The following MOSPD2 variants were observed in gnomAD, a reference collection of about 807,000 sequenced individuals.
The protein encoded by MOSPD2 is motile sperm domain containing 2.
MOSPD2 carries 5 observed loss-of-function variants against 41.7 expected under a neutral mutation model. The observed-to-expected ratio is 0.12, with a 90% CI of 0.06 to 0.25. The LOEUF is 0.25. MOSPD2 is among the 10% of genes least tolerant of loss of function. MOSPD2 has a pLI of 1.00. For synonymous variants in MOSPD2, 115 were observed against 126.9 expected, an observed-to-expected ratio of 0.91 and a Z score of 0.63; for missense variants, 282 against 375.2, an observed-to-expected ratio of 0.75 and a Z score of 2.05.
chrX:14,901,646 A>T (rs985992916), intron 6 of MOSPD2, among the ~76,000 whole-genome samples: 2 of 110,489 alleles, frequency 1.8e-5, no homozygotes, highest in African/African-American at 6.6e-5. Flanking sequence ...GGGAACCTGT[A>T]CTATCTTCTG....
chrX:14,913,638 A>C (rs937367511), intron 10 of MOSPD2, among the ~76,000 whole-genome samples: 1 of 111,845 alleles, frequency 8.9e-6, no homozygotes, highest in African/African-American at 3.3e-5. Context: ...TCTTAAAAAC[A>C]TGTGTTAGTT....
chrX:14,877,977 CAA>C (rs1182798930), intron 2 of MOSPD2, among the ~76,000 whole-genome samples: 3 of 88,818 alleles, frequency 3.4e-5, no homozygotes, highest in African/African-American at 4.2e-5. Flanking sequence ...GACTCCATCT[CAA>C]AAAAAAAAAA....
At chrX:14,887,003 A>G (rs960768897) in intron 2 of MOSPD2, among the ~76,000 whole-genome samples, 3 of 112,112 alleles carry the variant, frequency 2.7e-5, no homozygotes, top group African/African-American at 9.7e-5. Flanking sequence ...TGTCTTGATC[A>G]CACCCATTAC....
At position 14,916,249 on chromosome X, in the gene MOSPD2, A is replaced by G; in HGVS notation, c.1239A>G (p.Glu413=). The change falls in exon 13 of 15, where the codon GAA becomes GAG. Residue 413 remains glutamate, a synonymous_variant. Coordinates refer to ENST00000380492, the MANE Select transcript of MOSPD2 (RefSeq NM_152581.4). Reference sequence around the variant, plus strand: ...TTCTGATAATGGCTGCAGAAATGGAACAGTCATCTGGCACAGGCCCAGCAG... The same window carrying G: ...TTCTGATAATGGCTGCAGAAATGGAGCAGTCATCTGGCACAGGCCCAGCAG... ...DRFLIMAAEM[E]QSSGTGPAEL... 1 of 1,212,058 alleles carries G rather than the reference A, an allele frequency of 8.3e-7. No homozygotes were observed. The highest frequency in any genetic ancestry group is 1.1e-6 in the Non-Finnish European group (1 of 895,489).
In MOSPD2 at chrX:14,882,193, G is replaced by A. The variant is rs1177186170; in HGVS notation, c.79+8435G>A. 7.2e-5 allele frequency among the ~76,000 whole-genome samples: 8 copies of A among 111,707 alleles called. No individual in the cohort carries two copies. In the East Asian group the frequency reaches 2.0e-3, roughly 27 times the overall value. On this transcript the variant is annotated intron_variant, in intron 2 of 14. Transcript: ENST00000380492. ...CATTTGTAGCAATTTGGGTGAACTT[G>A]GAGGACATGGTAAGTGAAATAAGTG...
At chrX:14,887,585 T>G (rs1359876282) in intron 2 of MOSPD2, among the ~76,000 whole-genome samples, 1 of 111,936 alleles carries the variant, frequency 8.9e-6, no homozygotes, top group Non-Finnish European at 1.9e-5. Flanking sequence ...AAACACAGTT[T>G]CAGACCTGTT....
chrX:14,922,048 T>A lies in MOSPD2; in HGVS notation c.*2239T>A, dbSNP rs1320585127. 3 of 111,449 alleles carry A rather than the reference T, an allele frequency of 2.7e-5. No homozygotes were observed. The East Asian group carries it at 8.5e-4, about 31-fold the overall frequency. The allele number at this position is 111,449 out of a possible 1,213,427, so 9.2% of individuals were successfully genotyped here. On this transcript the variant is annotated 3_prime_UTR_variant, in exon 15 of 15. Transcript: ENST00000380492. ...AATGCGATTGCTGGTAAACCTGGCC[T>A]CAAATTTCATACTACCATAACTGTT...
chrX:14,895,251 A>C, intron 3 of MOSPD2, 57 bp from the exon 4 acceptor site: 1 of 646,771 alleles, frequency 1.5e-6, no homozygotes. Flanking sequence ...TTACATTATG[A>C]GTTTTATTTT....
At chrX:14,909,619 A>C (rs2092588102) in intron 8 of MOSPD2, among the ~76,000 whole-genome samples, 1 of 111,556 alleles carries the variant, frequency 9.0e-6, no homozygotes, top group Admixed American at 9.6e-5. Flanking sequence ...TTTTGAGCTG[A>C]TTTTTACTAC....
At chrX:14,888,022 C>T (rs2092545162) in intron 2 of MOSPD2, among the ~76,000 whole-genome samples, 2 of 110,506 alleles carry the variant, frequency 1.8e-5, no homozygotes, top group African/African-American at 6.6e-5. Context: ...GCTGATAGTT[C>T]ATTAAGAAGG....
chrX:14,899,573 C>CACACACACAT (rs1555909967), intron 5 of MOSPD2, among the ~76,000 whole-genome samples: 2 of 101,356 alleles, frequency 2.0e-5, no homozygotes, highest in Non-Finnish European at 4.0e-5. Context: ...CATACACACA[C>CACACACACAT]ACACACACAC....
At chrX:14,881,982 G>A (rs900249292) in intron 2 of MOSPD2, among the ~76,000 whole-genome samples, 18 of 109,612 alleles carry the variant, frequency 1.6e-4, no homozygotes, top group Non-Finnish European at 2.1e-4. Flanking sequence ...TGGACACAGG[G>A]TGGGGAACAT....
rs766592778 is a variant in MOSPD2 at position 14,922,134 on chromosome X, A to G, written c.*2325A>G. On this transcript the variant is annotated 3_prime_UTR_variant, in exon 15 of 15. Coordinates refer to ENST00000380492, the MANE Select transcript of MOSPD2 (RefSeq NM_152581.4). Reference sequence around the variant, plus strand: ...AGCACTTTATTGTACAACTACAAAAAAAAATATATTCCTAGAATTGTTGCC... The same window carrying G: ...AGCACTTTATTGTACAACTACAAAAGAAAATATATTCCTAGAATTGTTGCC... 9.0e-6 allele frequency: 1 copy of G among 111,664 alleles called. No individual in the cohort carries two copies. Among genetic ancestry groups the G allele is most frequent in the East Asian group, 2.8e-4 (1 of 3,555 alleles). 9.2% of individuals were successfully genotyped at this position (111,664 alleles called of 1,213,427 possible).
chrX:14,891,670 C>T (rs1402785623), intron 2 of MOSPD2, among the ~76,000 whole-genome samples: 1 of 108,789 alleles, frequency 9.2e-6, no homozygotes, highest in East Asian at 2.9e-4. Flanking sequence ...CGGGTTCAAG[C>T]GATTCTCTTG....
rs758285034 is a variant in MOSPD2 at position 14,912,354 on chromosome X, C to T, written c.985C>T (p.His329Tyr). 1 of 1,102,065 alleles carries T rather than the reference C, an allele frequency of 9.1e-7. No individual in the cohort carries two copies. The highest frequency in any genetic ancestry group is 2.3e-5 in the South Asian group (1 of 43,121). The allele number at this position is 1,102,065 out of a possible 1,213,427, so 90.8% of individuals were successfully genotyped here. Residue 329 changes from histidine (H) to tyrosine (Y), a missense_variant, in exon 10 of 15, where the codon CAC (histidine) becomes TAC (tyrosine). This residue lies in a region of MOSPD2 where 187 missense variants were observed against 256.6 expected (regional missense o/e 0.73). Transcript: ENST00000380492. Reference sequence around the variant, plus strand: ...GAGTGTATTTAAAGGCCCCTTACTACACATCAGGTAATCGTCAAAGATTTT... The same window carrying T: ...GAGTGTATTTAAAGGCCCCTTACTATACATCAGGTAATCGTCAAAGATTTT... ...PLSVFKGPLL[H>Y]ISPAEELYFG... is the part of the protein sequence containing the mutation.
intron 2 of MOSPD2, among the ~76,000 whole-genome samples, chrX:14,886,865 C>T (rs773736370): frequency 1.9e-4 from 21 of 112,149 alleles, no homozygotes; most frequent in Admixed American, 2.8e-4. Flanking sequence ...TGCTATAAAC[C>T]AATGGCTTAA....
chrX:14,873,796 G>A, intron 2 of MOSPD2, 38 bp downstream of exon 2: 2 of 1,098,592 alleles, frequency 1.8e-6, no homozygotes, highest in South Asian at 1.8e-5. Flanking sequence ...AAGGTGTGCA[G>A]TGAGCATCCC....
chrX:14,884,179 A>AG (rs1235531002), intron 2 of MOSPD2, among the ~76,000 whole-genome samples: 1 of 111,834 alleles, frequency 8.9e-6, no homozygotes, highest in Non-Finnish European at 1.9e-5. Flanking sequence ...CTGGAAAAAA[A>AG]AAAACTACTT....
At chrX:14,919,356 A>G (rs775438406) in intron 14 of MOSPD2, among the ~76,000 whole-genome samples, 1 of 112,129 alleles carries the variant, frequency 8.9e-6, no homozygotes, top group East Asian at 2.8e-4. Flanking sequence ...CAATTAGTGC[A>G]TTTAAATTTG....
Sources: allele counts gnomAD v4.1 joint callset (sites outside exome capture counted in the v4.1 genomes callset), GRCh38; gene constraint gnomAD v4.1.1; regional missense constraint gnomAD v4.1.1; transcripts MANE v1.5; gene names NCBI Gene and HGNC (gene_info 2026-07-23, HGNC 2026-07-21).